The following STAG1 variants were observed in gnomAD, a reference collection of about 807,000 sequenced individuals.
STAG1 encodes the protein cohesin subunit SA-1.
In STAG1, 26 loss-of-function variants were observed where a neutral mutation model predicts 170.9. The observed-to-expected ratio is 0.15, with a 90% confidence interval of 0.11 to 0.21. The LOEUF is 0.21. Ranked by LOEUF, STAG1 falls within the 10% of genes least tolerant of loss-of-function variation. The pLI, the probability that STAG1 is intolerant of heterozygous loss-of-function variation, is 1.00. For missense variants in STAG1, 964 were observed against 1,509.5 expected (o/e 0.64, Z 5.99); for synonymous variants, 514 against 497.7 (o/e 1.03, Z -0.44).
intron 7 of STAG1, among the ~76,000 whole-genome samples, chr3:136,508,410 G>C (rs1933877259): frequency 6.6e-6 from 1 of 152,148 alleles, no homozygotes; most frequent in Admixed American, 6.5e-5. Context: ...GTCCTAGGCT[G>C]AGCATGATGG....
chr3:136,391,077 C>A (rs755893041), intron 22 of STAG1, among the ~76,000 whole-genome samples: 3 of 152,158 alleles, frequency 2.0e-5, no homozygotes, highest in Non-Finnish European at 4.4e-5. Context: ...GATGGAAGGA[C>A]AAATTTTACA....
intron 9 of STAG1, among the ~76,000 whole-genome samples, chr3:136,489,027 A>G (rs1043369769): frequency 6.6e-6 from 1 of 152,242 alleles, no homozygotes; most frequent in Non-Finnish European, 1.5e-5. Flanking sequence ...AAAGACAATC[A>G]TAAGACAGAC....
At chr3:136,680,236 G>A (rs1337514880) in intron 1 of STAG1, among the ~76,000 whole-genome samples, 2 of 152,144 alleles carry the variant, frequency 1.3e-5, no homozygotes, top group Non-Finnish European at 2.9e-5. Flanking sequence ...ACTCCAACCT[G>A]GGCATCAGAG....
intron 1 of STAG1, among the ~76,000 whole-genome samples, chr3:136,660,141 T>A (rs1941530421): frequency 6.6e-6 from 1 of 152,210 alleles, no homozygotes; most frequent in South Asian, 2.1e-4. Flanking sequence ...AGAAAAGACA[T>A]TCTACTATTT....
At chr3:136,721,990 G>A (rs1933305171) in intron 1 of STAG1, among the ~76,000 whole-genome samples, 2 of 151,910 alleles carry the variant, frequency 1.3e-5, no homozygotes, top group South Asian at 4.1e-4. Flanking sequence ...GGGAGGCCAA[G>A]AAGGACAGAT....
intron 1 of STAG1, among the ~76,000 whole-genome samples, chr3:136,637,614 TG>T (rs1407776355): frequency 6.6e-6 from 1 of 152,200 alleles, no homozygotes; most frequent in Admixed American, 6.5e-5. Context: ...CTCAATTACC[TG>T]AGTTCTCATA....
At chr3:136,430,498 C>G (rs1285059822) in intron 16 of STAG1, among the ~76,000 whole-genome samples, 1 of 151,856 alleles carries the variant, frequency 6.6e-6, no homozygotes, top group Non-Finnish European at 1.5e-5. Flanking sequence ...AATCTCAACA[C>G]TATAGTGCTA....
At chr3:136,493,769 A>C (rs189913980) in intron 9 of STAG1, among the ~76,000 whole-genome samples, 1 of 152,122 alleles carries the variant, frequency 6.6e-6, no homozygotes, top group African/African-American at 2.4e-5. Context: ...GAAAAGATCA[A>C]CAAAACAAAC....
chr3:136,595,039 G>C (rs1411306452), intron 4 of STAG1, among the ~76,000 whole-genome samples: 1 of 152,142 alleles, frequency 6.6e-6, no homozygotes, highest in African/African-American at 2.4e-5. Flanking sequence ...AAAGTACTGG[G>C]CTTACAGGAC....
intron 1 of STAG1, among the ~76,000 whole-genome samples, chr3:136,664,241 T>C (rs1273832624): frequency 6.6e-6 from 1 of 152,350 alleles, no homozygotes; most frequent in Non-Finnish European, 1.5e-5. Context: ...AATTTTTCTT[T>C]AGTTATAGAT....
intron 1 of STAG1, among the ~76,000 whole-genome samples, chr3:136,642,561 C>T (rs1004966138): frequency 2.0e-5 from 3 of 152,100 alleles, no homozygotes; most frequent in Admixed American, 6.6e-5. Flanking sequence ...CCACTGCACC[C>T]GGCCCACAAT....
chr3:136,452,355 G>A (rs2088968244), intron 13 of STAG1, among the ~76,000 whole-genome samples: 1 of 151,918 alleles, frequency 6.6e-6, no homozygotes, highest in Non-Finnish European at 1.5e-5. Context: ...ATGAGGTCAG[G>A]AGACTGAGAC....
At chr3:136,696,601 G>T (rs774472080) in intron 1 of STAG1, among the ~76,000 whole-genome samples, 1 of 152,094 alleles carries the variant, frequency 6.6e-6, no homozygotes, top group Non-Finnish European at 1.5e-5. Context: ...GACAGTGGGG[G>T]AGGTTGTGCA....
At chr3:136,702,466 A>G (rs1173849502) in intron 1 of STAG1, among the ~76,000 whole-genome samples, 2 of 152,040 alleles carry the variant, frequency 1.3e-5, no homozygotes, top group African/African-American at 4.8e-5. Context: ...GGCTCACCGC[A>G]ACCTCCGCCT....
At chr3:136,546,974 G>A (rs547408247) in intron 5 of STAG1, among the ~76,000 whole-genome samples, 1 of 152,206 alleles carries the variant, frequency 6.6e-6, no homozygotes, top group South Asian at 2.1e-4. Context: ...CACAACTTTT[G>A]TCTGGTGCCA....
At chr3:136,653,385 T>C (rs562062469) in intron 1 of STAG1, among the ~76,000 whole-genome samples, 78 of 152,260 alleles carry the variant, frequency 5.1e-4, no homozygotes, top group African/African-American at 8.2e-4. Flanking sequence ...TTTTGAGCAA[T>C]AGACAGCCAT....
chr3:136,522,480 C>A (rs575649739), intron 6 of STAG1, among the ~76,000 whole-genome samples: 11 of 152,258 alleles, frequency 7.2e-5, no homozygotes, highest in Admixed American at 5.9e-4. Flanking sequence ...ATCTCAGCAG[C>A]CTACCTGCTG....
At chr3:136,734,224 A>G (rs1349339389) in intron 1 of STAG1, among the ~76,000 whole-genome samples, 1 of 152,200 alleles carries the variant, frequency 6.6e-6, no homozygotes, top group South Asian at 2.1e-4. Flanking sequence ...CAGTGCCCCA[A>G]ATAAGACAGG....
intron 5 of STAG1, among the ~76,000 whole-genome samples, chr3:136,553,101 T>C (rs879387750): frequency 3.0e-4 from 46 of 152,004 alleles, no homozygotes; most frequent in African/African-American, 4.8e-5. Flanking sequence ...AAAATAAAAA[T>C]ACAAGTTTGA....
Sources: gnomAD v4.1 joint callset for allele counts (sites outside exome capture counted in the v4.1 genomes callset) on GRCh38, gnomAD v4.1.1 for gene constraint, MANE v1.5 for transcripts, NCBI Gene and HGNC (gene_info 2026-07-23, HGNC 2026-07-21) for gene names.